REPS2: variants seen among roughly 807,000 people sequenced by gnomAD.
REPS2 encodes the protein RALBP1 associated Eps domain containing 2, also known as ralBP1-associated Eps domain-containing protein 2.
A neutral mutation model predicts 53.6 loss-of-function variants in REPS2; 23 were observed. That is an observed-to-expected ratio of 0.43 (90% CI 0.31 to 0.61). The LOEUF (loss-of-function observed/expected upper bound fraction) is 0.61, where lower values mean the gene tolerates loss of function less well. REPS2 is among the 20% of genes least tolerant of loss of function. The pLI is 0.11. For missense variants in REPS2, 446 were observed against 534.9 expected, an observed-to-expected ratio of 0.83 and a Z score of 1.64; for synonymous variants, 238 against 218.6, an observed-to-expected ratio of 1.09 and a Z score of -0.78.
In REPS2 at chrX:17,056,475, G is replaced by A. The variant is rs370172428; in HGVS notation, c.1114+1525G>A. Among the ~76,000 whole-genome samples, 22 of 111,748 alleles carry A rather than the reference G, an allele frequency of 2.0e-4. No homozygotes were observed. The East Asian group carries it at 5.6e-3, about 29-fold the overall frequency. On this transcript the variant is annotated intron_variant, in intron 8 of 17. Transcript: ENST00000357277. The stretch of plus-strand genomic sequence containing the variant: ...GAGGCCGAGGCGGGCGGATCATGAG[G>A]TCAGGAGATCGAGACCATCCTGGCT...
At chrX:16,951,182 C>A (rs2060500950) in intron 1 of REPS2, among the ~76,000 whole-genome samples, 1 of 111,647 alleles carries the variant, frequency 9.0e-6, no homozygotes, top group African/African-American at 3.3e-5. Flanking sequence ...CCTGGGAAAC[C>A]AACTACTCTA....
At position 17,062,490 on chromosome X, in the gene REPS2, A is replaced by G; in HGVS notation, c.1167A>G (p.Ser389=). 5 of 1,206,132 alleles carry G rather than the reference A, an allele frequency of 4.1e-6. No homozygotes were observed. The highest frequency in any genetic ancestry group is 4.5e-6 in the Non-Finnish European group (4 of 893,148). The change falls in exon 9 of 18, where the codon TCA becomes TCG. Residue 389 remains serine, a synonymous_variant. Transcript: ENST00000357277. ...DCQLFDSYSE[S]LPANQQPRDL... ...AATTATTTGATTCTTATTCTGAGTCACTGCCGGCAAATCAACAACCTCGTG... is the reference window on the plus strand; with the variant it reads ...AATTATTTGATTCTTATTCTGAGTCGCTGCCGGCAAATCAACAACCTCGTG...
At chrX:17,115,353 G>A (rs902138950) in intron 14 of REPS2, among the ~76,000 whole-genome samples, 8 of 109,450 alleles carry the variant, frequency 7.3e-5, no homozygotes, top group Admixed American at 5.8e-4. Flanking sequence ...ATCTCAATGC[G>A]TTAGAGAGCA....
At chrX:17,072,067 C>T (rs2062314290) in intron 11 of REPS2, among the ~76,000 whole-genome samples, 1 of 111,552 alleles carries the variant, frequency 9.0e-6, no homozygotes, top group Non-Finnish European at 1.9e-5. Flanking sequence ...GTTGGTGATT[C>T]TAGCAGCTGC....
At chrX:16,953,105 ACACACACACACACAC>A (rs2060539791) in intron 1 of REPS2, among the ~76,000 whole-genome samples, 1 of 7,764 alleles carries the variant, frequency 1.3e-4, no homozygotes, top group African/African-American at 6.9e-4. Context: ...AAACAAACAC[ACACACACACACACAC>A]ACACACACAC....
At chrX:16,990,378 G>A (rs2041214261) in intron 1 of REPS2, among the ~76,000 whole-genome samples, 1 of 111,204 alleles carries the variant, frequency 9.0e-6, no homozygotes, top group Non-Finnish European at 1.9e-5. Context: ...AAGAGGCCGA[G>A]GCGGGTGAAT....
At chrX:17,050,196 T>C (rs1336796658) in intron 6 of REPS2, among the ~76,000 whole-genome samples, 2 of 59,380 alleles carry the variant, frequency 3.4e-5, no homozygotes, top group African/African-American at 1.9e-4. Context: ...CTTTCTTTCT[T>C]TTTTTTTTTT....
rs904255743 is a variant in REPS2 at position 17,152,948 on chromosome X, A to G, written c.*5467A>G. 8.9e-6 allele frequency: 1 copy of G among 112,867 alleles called. No individual in the cohort carries two copies. Among genetic ancestry groups the G allele is most frequent in the African/African-American group, 3.2e-5 (1 of 31,016 alleles). The allele number at this position is 112,867 out of a possible 1,213,427, so 9.3% of individuals were successfully genotyped here. A position where few individuals can be genotyped will look rare whatever the true frequency, so the allele number is the denominator to read the frequency against. Reference sequence around the variant, plus strand: ...AAATGTATATTTTTTCACTACAAGTACATTGAACAGTAAAAAGTGTAACAG... The same window carrying G: ...AAATGTATATTTTTTCACTACAAGTGCATTGAACAGTAAAAAGTGTAACAG... On this transcript the variant is annotated 3_prime_UTR_variant, in exon 18 of 18. Transcript: ENST00000357277.
intron 14 of REPS2, among the ~76,000 whole-genome samples, chrX:17,115,440 G>A (rs1451363251): frequency 8.9e-6 from 1 of 112,417 alleles, no homozygotes; most frequent in Non-Finnish European, 1.9e-5. Flanking sequence ...ATACAATCGG[G>A]TTTTATACCG....
At chrX:16,975,405 C>T (rs1235334117) in intron 1 of REPS2, among the ~76,000 whole-genome samples, 1 of 111,754 alleles carries the variant, frequency 8.9e-6, no homozygotes, top group Non-Finnish European at 1.9e-5. Flanking sequence ...TAGTAATAGC[C>T]ATTCTTACTG....
chrX:17,122,877 G>A (rs1256069983), intron 14 of REPS2, among the ~76,000 whole-genome samples: 2 of 112,095 alleles, frequency 1.8e-5, no homozygotes, highest in East Asian at 2.8e-4. Flanking sequence ...TCAGTAAGTC[G>A]GAAAGGATGT....
Position 17,029,564 on chromosome X carries a change from G to A in REPS2, c.712G>A (p.Gly238Arg), listed in dbSNP as rs1350587238. 1 of 1,210,831 alleles carries A rather than the reference G, an allele frequency of 8.3e-7. No homozygotes were observed. Among genetic ancestry groups the A allele is most frequent in the South Asian group, 1.8e-5 (1 of 56,958 alleles). Residue 238 changes from glycine to arginine, a missense_variant, in exon 5 of 18, where the codon GGA (glycine) becomes AGA (arginine). Transcript: ENST00000357277. ...TAGGCAGCCCCTTGTCCAGCCCGAG[G>A]GATCCTCATCAGGGGGCCCAGGAAC... is the stretch of plus-strand genomic sequence containing the variant. ...EARQPLVQPE[G>R]SSSGGPGTKP...
intron 14 of REPS2, among the ~76,000 whole-genome samples, chrX:17,116,018 G>A (rs1033709232): frequency 3.6e-5 from 4 of 111,112 alleles, no homozygotes; most frequent in African/African-American, 6.6e-5. Flanking sequence ...ATGGGTTTAA[G>A]CGTAGATTTA....
chrX:17,042,009 C>A (rs770994885), intron 5 of REPS2, among the ~76,000 whole-genome samples: 1 of 111,830 alleles, frequency 8.9e-6, no homozygotes, highest in African/African-American at 3.3e-5. Context: ...ACTTGCCATG[C>A]CAAATATTTG....
intron 14 of REPS2, among the ~76,000 whole-genome samples, chrX:17,117,174 T>A (rs1035584823): frequency 2.7e-5 from 3 of 112,482 alleles, no homozygotes; most frequent in South Asian, 3.7e-4. Context: ...CATCTTGGTT[T>A]TGCAGCTTCA....
chrX:17,135,210 G>T, intron 15 of REPS2, 51 bp from the exon 16 acceptor site: 1 of 1,144,619 alleles, frequency 8.7e-7, no homozygotes, highest in Non-Finnish European at 1.2e-6. Flanking sequence ...AGAGTGGAGG[G>T]AACATTGAAA....
intron 6 of REPS2, among the ~76,000 whole-genome samples, chrX:17,050,137 T>TCTTC (rs772334608): frequency 0.017 from 837 of 48,711 alleles, 18 homozygotes; most frequent in South Asian, 0.06. Flanking sequence ...TTTCTTCCTT[T>TCTTC]CTTCCTTTCT....
intron 13 of REPS2, among the ~76,000 whole-genome samples, chrX:17,084,567 G>GT (rs778647864): frequency 1.8e-3 from 200 of 112,000 alleles, no homozygotes; most frequent in African/African-American, 6.3e-3. Flanking sequence ...CAAAACACTT[G>GT]TTATTGCCTT....
In REPS2 at chrX:17,135,388, C is replaced by T. The variant is rs766097724; in HGVS notation, c.1790C>T (p.Pro597Leu). 33 of 1,207,428 alleles carry T rather than the reference C, an allele frequency of 2.7e-5. No homozygotes were observed. The highest frequency in any genetic ancestry group is 7.1e-5 in the South Asian group (4 of 56,042). The change falls in exon 16 of 18, where the codon CCG becomes CTG. Residue 597 changes from proline (P) to leucine (L), a missense_variant. Coordinates refer to ENST00000357277, the MANE Select transcript of REPS2 (RefSeq NM_004726.3). Reference protein sequence around the residue: ...SGPASAATMKPHPTVQKQSSK... With the variant: ...SGPASAATMKLHPTVQKQSSK... Reference sequence around the variant, plus strand: ...CCAGCTTCTGCGGCAACCATGAAACCGCATCCAACAGTCCAAAAGTAAGTA... The same window carrying T: ...CCAGCTTCTGCGGCAACCATGAAACTGCATCCAACAGTCCAAAAGTAAGTA...
Sources: allele counts gnomAD v4.1 joint callset (sites outside exome capture counted in the v4.1 genomes callset), GRCh38; gene constraint gnomAD v4.1.1; transcripts MANE v1.5; gene names NCBI Gene and HGNC (gene_info 2026-07-23, HGNC 2026-07-21).